Variants in RPS6KA5 observed in about 807,000 individuals in gnomAD.
RPS6KA5 encodes ribosomal protein S6 kinase A5, also known as ribosomal protein S6 kinase alpha-5.
In RPS6KA5, 27 loss-of-function variants were observed where a neutral mutation model predicts 85.5. The ratio of observed to expected loss-of-function variants is 0.32; its 90% CI spans 0.23 to 0.44. RPS6KA5 has a LOEUF of 0.44. Among genes scored for constraint, RPS6KA5 ranks in the 20% least tolerant of loss-of-function variants. The pLI, the probability that RPS6KA5 is intolerant of heterozygous loss-of-function variation, is 1.00. For synonymous variants in RPS6KA5, 334 were observed against 348.2 expected, an observed-to-expected ratio of 0.96 and a Z score of 0.46; for missense variants, 811 against 980.9, an observed-to-expected ratio of 0.83 and a Z score of 2.31.
At chr14:90,992,221 A>AT (rs1245298395) in intron 2 of RPS6KA5, among the ~76,000 whole-genome samples, 5 of 152,196 alleles carry the variant, frequency 3.3e-5, no homozygotes, top group Non-Finnish European at 7.3e-5. Context: ...CAAAACTGTG[A>AT]TTTTTTAAAG....
chr14:90,920,408 A>T (rs2140290700), intron 6 of RPS6KA5, 99 bp from the exon 7 acceptor site: 1 of 860,034 alleles, frequency 1.2e-6, no homozygotes, highest in Non-Finnish European at 1.8e-6. Context: ...AAAATGTTTT[A>T]AAAAATGATT....
chr14:90,932,351 T>C (rs1306321517), intron 5 of RPS6KA5, among the ~76,000 whole-genome samples: 9 of 152,096 alleles, frequency 5.9e-5, no homozygotes, highest in Non-Finnish European at 8.8e-5. Context: ...CCCCAGGCTG[T>C]TGAGTCTCAA....
Position 91,003,968 on chromosome 14 carries a change from G to A in RPS6KA5, c.104-2809C>T, listed in dbSNP as rs141755649. ...AAGGGACAAGTAAGTCCTTAAGCAG[G>A]TCCATGTGATCCAGCCCAGCTCACC... is the stretch of plus-strand genomic sequence containing the variant. On this transcript the variant is annotated intron_variant, in intron 1 of 16. Transcript: ENST00000614987. Among the ~76,000 whole-genome samples, 7 of 152,356 alleles carry A rather than the reference G, an allele frequency of 4.6e-5. No homozygotes were observed. In the East Asian group the frequency reaches 1.3e-3, roughly 29 times the overall value.
rs142740655 is a variant in RPS6KA5 at position 91,015,376 on chromosome 14, T to C, written c.104-14217A>G. ...AAAAATTTGATAACTTGTGAATGAT[T>C]AAAAAAAAAATTAAACCATTACAGC... On this transcript the variant is annotated intron_variant, in intron 1 of 16. Transcript: ENST00000614987. Among the ~76,000 whole-genome samples, 39 of 150,738 alleles carry C rather than the reference T, an allele frequency of 2.6e-4. 2 individuals are homozygous for C. The East Asian group carries it at 7.4e-3, about 28-fold the overall frequency.
chr14:90,875,465 A>G, intron 14 of RPS6KA5, 105 bp from the exon 15 acceptor site: 1 of 1,000,942 alleles, frequency 1.0e-6, no homozygotes, highest in Non-Finnish European at 1.5e-6. Flanking sequence ...AATTGCTACA[A>G]CTAGCATGAT....
chr14:91,021,327 C>T (rs1366787242), intron 1 of RPS6KA5, among the ~76,000 whole-genome samples: 4 of 152,048 alleles, frequency 2.6e-5, no homozygotes, highest in Non-Finnish European at 2.9e-5. Flanking sequence ...TCATGAATCA[C>T]CATTTTTTTC....
At chr14:91,003,996 G>A (rs2040896789) in intron 1 of RPS6KA5, among the ~76,000 whole-genome samples, 1 of 152,196 alleles carries the variant, frequency 6.6e-6, no homozygotes, top group Non-Finnish European at 1.5e-5. Flanking sequence ...AGCTCACCAA[G>A]GTCAAGGTTT....
chr14:90,872,933 T>C (rs1034067666), intron 16 of RPS6KA5, among the ~76,000 whole-genome samples: 1 of 152,224 alleles, frequency 6.6e-6, no homozygotes, highest in African/African-American at 2.4e-5. Context: ...CTGAGAAGAT[T>C]TGGATCATCT....
chr14:91,057,813 T>C (rs1388513015), intron 1 of RPS6KA5, among the ~76,000 whole-genome samples: 1 of 152,242 alleles, frequency 6.6e-6, no homozygotes, highest in Non-Finnish European at 1.5e-5. Context: ...TTAGCACTTT[T>C]CCAACAGTGT....
chr14:90,954,210 C>T (rs2038383133), intron 3 of RPS6KA5, among the ~76,000 whole-genome samples: 1 of 152,092 alleles, frequency 6.6e-6, no homozygotes, highest in South Asian at 2.1e-4. Context: ...GGACAGGTTC[C>T]CCCGTTATTC....
Position 90,927,607 on chromosome 14 carries a change from G to A in RPS6KA5, c.619-4411C>T, listed in dbSNP as rs182052938. On this transcript the variant is annotated intron_variant, in intron 5 of 16. Transcript: ENST00000614987. ...AAGGCAAAAGAATTATTAAAATTAC[G>A]TACATTACAAAATAATAAAAGGAAC... Among the ~76,000 whole-genome samples, 10 of 152,000 alleles carry A rather than the reference G, an allele frequency of 6.6e-5. No homozygotes were observed. In the East Asian group the frequency reaches 9.7e-4, roughly 15 times the overall value.
At chr14:90,960,782 CA>C (rs1483283426) in intron 3 of RPS6KA5, among the ~76,000 whole-genome samples, 1 of 152,166 alleles carries the variant, frequency 6.6e-6, no homozygotes, top group Admixed American at 6.5e-5. Flanking sequence ...ATTTCTTCCA[CA>C]AAAAATTGTA....
chr14:91,003,860 T>C (rs1463868605), intron 1 of RPS6KA5, among the ~76,000 whole-genome samples: 4 of 152,194 alleles, frequency 2.6e-5, no homozygotes, highest in African/African-American at 4.8e-5. Context: ...AAGTTTCTGA[T>C]AGAGTTTAGA....
At chr14:91,038,134 C>A (rs2042472088) in intron 1 of RPS6KA5, among the ~76,000 whole-genome samples, 1 of 152,084 alleles carries the variant, frequency 6.6e-6, no homozygotes, top group Admixed American at 6.5e-5. Flanking sequence ...GTTGATCCTG[C>A]CTATCCAGAG....
At position 90,869,277 on chromosome 14, in the gene RPS6KA5, T is replaced by C. The variant is rs2032949490; in HGVS notation, c.*2797A>G. ...CCTGGTTTCAAGTGATTCTCCAGTC[T>C]TATACTCCCAAAGCACAAGGATTAC... On this transcript the variant is annotated 3_prime_UTR_variant, in exon 17 of 17. Coordinates refer to ENST00000614987, the MANE Select transcript of RPS6KA5 (RefSeq NM_004755.4). 1 of 152,202 alleles carries C rather than the reference T, an allele frequency of 6.6e-6. No homozygotes were observed. Among genetic ancestry groups the C allele is most frequent in the Non-Finnish European group, 1.5e-5 (1 of 68,048 alleles). The allele number at this position is 152,202 out of a possible 1,614,324, so 9.4% of individuals were successfully genotyped here.
At chr14:91,012,078 T>G (rs1221521210) in intron 1 of RPS6KA5, among the ~76,000 whole-genome samples, 1 of 152,224 alleles carries the variant, frequency 6.6e-6, no homozygotes, top group African/African-American at 2.4e-5. Flanking sequence ...CAATTTTCAG[T>G]TACTTGACAG....
chr14:91,055,314 CA>C (rs1401904297), intron 1 of RPS6KA5, among the ~76,000 whole-genome samples: 1 of 152,142 alleles, frequency 6.6e-6, no homozygotes, highest in Non-Finnish European at 1.5e-5. Flanking sequence ...TAGGTCCACA[CA>C]AAAACTTGTC....
rs532404383 is a variant in RPS6KA5, at chr14:90,991,902, G to C, written c.175+9186C>G. Among the ~76,000 whole-genome samples, 6 of 152,158 alleles carry C rather than the reference G, an allele frequency of 3.9e-5. No individual in the cohort carries two copies. In the South Asian group the frequency reaches 1.0e-3, roughly 26 times the overall value. ...TTTTATGCATATTAGATGTATTTAAGTGTCAAAAAGTAAATCTTTGATATT... is the reference window on the plus strand; with the variant it reads ...TTTTATGCATATTAGATGTATTTAACTGTCAAAAAGTAAATCTTTGATATT... On this transcript the variant is annotated intron_variant, in intron 2 of 16. Coordinates refer to ENST00000614987, the MANE Select transcript of RPS6KA5 (RefSeq NM_004755.4).
At chr14:91,021,199 T>C (rs1488378822) in intron 1 of RPS6KA5, among the ~76,000 whole-genome samples, 1 of 152,194 alleles carries the variant, frequency 6.6e-6, no homozygotes, top group Non-Finnish European at 1.5e-5. Context: ...ACTATAATGG[T>C]TACAATGGAG....
Sources: gnomAD v4.1 joint callset for allele counts (sites outside exome capture counted in the v4.1 genomes callset) on GRCh38, gnomAD v4.1.1 for gene constraint, MANE v1.5 for transcripts, NCBI Gene and HGNC (gene_info 2026-07-23, HGNC 2026-07-21) for gene names.